Variants in BBX observed in about 807,000 individuals in gnomAD.
BBX encodes the protein BBX high mobility group box domain containing.
Under a neutral mutation model 100.2 loss-of-function variants are expected in BBX, and 30 were observed. The observed-to-expected ratio is 0.30, with a 90% CI of 0.22 to 0.41. The LOEUF is 0.41. BBX is among the 10% of genes least tolerant of loss of function. BBX has a pLI of 1.00. For missense variants in BBX, 1,023 were observed against 1,129.8 expected (o/e 0.91, Z 1.35); for synonymous variants, 376 against 388.1 (o/e 0.97, Z 0.37).
At chr3:107,709,775 G>C (rs2061605400) in intron 3 of BBX, among the ~76,000 whole-genome samples, 1 of 152,194 alleles carries the variant, frequency 6.6e-6, no homozygotes, top group African/African-American at 2.4e-5. Context: ...TTTTATCATG[G>C]AGAAGAACTT....
In BBX at chr3:107,773,734, TCAAAA is replaced by T; in HGVS notation, c.1915+99_1915+103del. On this transcript the variant is annotated intron_variant, in intron 11 of 17. Coordinates refer to ENST00000325805, the MANE Select transcript of BBX (RefSeq NM_001142568.3). The surrounding 1 kb of genome is among the most constrained non-coding windows in gnomAD (Gnocchi z 4.1). ...AACTGCCATAAAAAACAATATGGTA[TCAAAA>T]TAATACCTTACATTTGTATATTTCT... The T allele has an allele frequency of 2.0e-6, 2 of 1,021,350 alleles. No homozygotes were observed. The highest frequency in any genetic ancestry group is 2.8e-6 in the Non-Finnish European group (2 of 707,266). The allele number at this position is 1,021,350 out of a possible 1,614,324, so 63.3% of individuals were successfully genotyped here. A position where few individuals can be genotyped will look rare whatever the true frequency, so the allele number is the denominator to read the frequency against.
intron 10 of BBX, among the ~76,000 whole-genome samples, chr3:107,757,863 A>G (rs577704630): frequency 2.5e-4 from 38 of 152,232 alleles, no homozygotes; most frequent in South Asian, 8.3e-4. Context: ...GGTGTCTGCA[A>G]TTTGAAGACA....
chr3:107,567,670 G>T (rs991750254), intron 2 of BBX, among the ~76,000 whole-genome samples: 3 of 152,156 alleles, frequency 2.0e-5, no homozygotes, highest in South Asian at 2.1e-4. Context: ...ACATAGCTGG[G>T]TTTTACTTTT....
chr3:107,595,908 A>G (rs955016507), intron 2 of BBX, among the ~76,000 whole-genome samples: 1 of 152,236 alleles, frequency 6.6e-6, no homozygotes, highest in Admixed American at 6.5e-5. Flanking sequence ...TACCAGCAAC[A>G]TAAATAGTTG....
At chr3:107,601,233 A>G (rs1234498333) in intron 2 of BBX, among the ~76,000 whole-genome samples, 1 of 152,122 alleles carries the variant, frequency 6.6e-6, no homozygotes, top group Non-Finnish European at 1.5e-5. Flanking sequence ...ATTGTCTCCA[A>G]CACAACAATA....
chr3:107,534,750 A>G (rs2048378941), intron 2 of BBX, among the ~76,000 whole-genome samples: 1 of 152,236 alleles, frequency 6.6e-6, no homozygotes, highest in African/African-American at 2.4e-5. Context: ...GGAAGGGATT[A>G]TAAGGAACCT....
chr3:107,754,061 T>A (rs1369215621), intron 9 of BBX, among the ~76,000 whole-genome samples: 1 of 152,196 alleles, frequency 6.6e-6, no homozygotes, highest in East Asian at 1.9e-4. Context: ...CAGGTATTAC[T>A]GTTCATATTT....
intron 2 of BBX, among the ~76,000 whole-genome samples, chr3:107,568,520 A>G (rs932904441): frequency 1.3e-5 from 2 of 151,966 alleles, no homozygotes; most frequent in Non-Finnish European, 2.9e-5. Context: ...CGGCCTCCCA[A>G]AGTGCTGGGA....
At chr3:107,541,000 A>C (rs2048826746) in intron 2 of BBX, among the ~76,000 whole-genome samples, 1 of 152,204 alleles carries the variant, frequency 6.6e-6, no homozygotes, top group Non-Finnish European at 1.5e-5. Flanking sequence ...TGGGGAGAAC[A>C]AACATTTCCT....
chr3:107,725,599 T>C (rs1180001183), intron 5 of BBX, among the ~76,000 whole-genome samples: 2 of 152,226 alleles, frequency 1.3e-5, no homozygotes, highest in South Asian at 2.1e-4. Flanking sequence ...AAAAATGCCC[T>C]TGTCAAATAT....
chr3:107,701,277 G>C (rs923561244), intron 3 of BBX, among the ~76,000 whole-genome samples: 1 of 152,174 alleles, frequency 6.6e-6, no homozygotes, highest in Non-Finnish European at 1.5e-5. Flanking sequence ...TGAAAGCTCA[G>C]GCTCTAGGGA....
intron 7 of BBX, among the ~76,000 whole-genome samples, chr3:107,742,692 C>T (rs1169137377): frequency 2.6e-5 from 4 of 152,028 alleles, no homozygotes; most frequent in African/African-American, 7.2e-5. Flanking sequence ...TGTGCCACCC[C>T]CTCTTTGTCA....
chr3:107,693,024 TG>T (rs1328448766), intron 3 of BBX, among the ~76,000 whole-genome samples: 1 of 144,814 alleles, frequency 6.9e-6, no homozygotes, highest in Non-Finnish European at 1.5e-5. Context: ...TCATGTCCTT[TG>T]CCCACTTTTT....
At chr3:107,711,026 C>T (rs16853780) in intron 4 of BBX, among the ~76,000 whole-genome samples, 2,526 of 152,284 alleles carry the variant, frequency 0.017, 65 homozygotes, top group African/African-American at 0.058. Flanking sequence ...TGTCTCTATC[C>T]GTGGCCTTCA....
intron 10 of BBX, among the ~76,000 whole-genome samples, chr3:107,761,276 C>G (rs1294818515): frequency 6.6e-6 from 1 of 152,110 alleles, no homozygotes; most frequent in African/African-American, 2.4e-5. Flanking sequence ...TAAAGTGTAT[C>G]TGTGAGTCAG....
At chr3:107,613,205 T>C (rs2054976027) in intron 2 of BBX, among the ~76,000 whole-genome samples, 1 of 150,640 alleles carries the variant, frequency 6.6e-6, no homozygotes, top group Non-Finnish European at 1.5e-5. Flanking sequence ...TTTTTTTTTT[T>C]GAGATGGAGT....
chr3:107,733,616 A>G (rs1231060716), intron 7 of BBX, among the ~76,000 whole-genome samples: 1 of 152,048 alleles, frequency 6.6e-6, no homozygotes, highest in Non-Finnish European at 1.5e-5. Flanking sequence ...GGCTTGGACT[A>G]CAGGCATGTG....
chr3:107,710,850 G>A (rs932113994), intron 4 of BBX, among the ~76,000 whole-genome samples: 51 of 152,014 alleles, frequency 3.4e-4, no homozygotes, highest in African/African-American at 1.2e-3. Context: ...TACGATTTTT[G>A]TCACCTAACT....
At chr3:107,735,964 ATAGT>A (rs1401189619) in intron 7 of BBX, among the ~76,000 whole-genome samples, 22 of 151,904 alleles carry the variant, frequency 1.4e-4, no homozygotes, top group Admixed American at 1.4e-3. Flanking sequence ...ATGCGTTTTG[ATAGT>A]TTGTTTTGTT....
Sources: gnomAD v4.1 joint callset for allele counts (sites outside exome capture counted in the v4.1 genomes callset) on GRCh38, gnomAD v4.1.1 for gene constraint, Gnocchi (gnomAD v3.1) non-coding constraint, MANE v1.5 for transcripts, NCBI Gene and HGNC (gene_info 2026-07-23, HGNC 2026-07-21) for gene names.